Variants in CTNNA3 observed in about 807,000 individuals in gnomAD.
CTNNA3 encodes catenin alpha 3.
Under a neutral mutation model 95.7 loss-of-function variants are expected in CTNNA3, and 76 were observed. That is an observed-to-expected ratio of 0.79 (90% CI 0.66 to 0.96). The LOEUF (loss-of-function observed/expected upper bound fraction) is 0.96. Among genes scored for constraint, CTNNA3 ranks in the 40% least tolerant of loss-of-function variants. The pLI is 0.00. For synonymous variants in CTNNA3, 431 were observed against 374.4 expected (o/e 1.15, Z -1.74); for missense variants, 1,191 against 1,089.8 (o/e 1.09, Z -1.31).
chr10:66,804,974 A>C (rs1003979778), intron 7 of CTNNA3, among the ~76,000 whole-genome samples: 9 of 152,126 alleles, frequency 5.9e-5, no homozygotes, highest in Admixed American at 2.0e-4. Flanking sequence ...AATATGCTTT[A>C]TGTTGAATAC....
chr10:65,944,020 T>A (rs1243901112), intron 17 of CTNNA3, among the ~76,000 whole-genome samples: 1 of 152,252 alleles, frequency 6.6e-6, no homozygotes, highest in Non-Finnish European at 1.5e-5. Context: ...TATGCATTTT[T>A]ATATGTAGGC....
intron 17 of CTNNA3, among the ~76,000 whole-genome samples, chr10:65,927,323 G>A (rs2077182713): frequency 6.6e-6 from 1 of 152,024 alleles, no homozygotes; most frequent in Admixed American, 6.6e-5. Flanking sequence ...TTATATTTGT[G>A]GATGCTTTGT....
intron 3 of CTNNA3, among the ~76,000 whole-genome samples, chr10:67,576,341 T>A (rs556004472): frequency 2.0e-5 from 3 of 152,232 alleles, no homozygotes; most frequent in South Asian, 2.1e-4. Context: ...CTGAAGTATC[T>A]GGGAATTTAT....
chr10:67,241,529 T>C (rs1307345997), intron 5 of CTNNA3, among the ~76,000 whole-genome samples: 1 of 152,218 alleles, frequency 6.6e-6, no homozygotes, highest in Admixed American at 6.5e-5. Flanking sequence ...TAAATATTTT[T>C]ATCCTTGCAA....
exon 1 of CTNNA3, among the ~76,000 whole-genome samples, chr10:67,763,553 C>A (rs182133546): frequency 3.3e-5 from 5 of 152,308 alleles, no homozygotes; most frequent in Admixed American, 6.5e-5. Context: ...CTAGAAACTT[C>A]AACTAGTAAA....
intron 1 of CTNNA3, among the ~76,000 whole-genome samples, chr10:67,662,725 G>A (rs1840223767): frequency 6.6e-6 from 1 of 152,162 alleles, no homozygotes; most frequent in African/African-American, 2.4e-5. Flanking sequence ...ACTGCAGAAG[G>A]GCACAAAGAA....
chr10:67,112,038 T>C (rs1858934982), intron 7 of CTNNA3, among the ~76,000 whole-genome samples: 1 of 152,136 alleles, frequency 6.6e-6, no homozygotes, highest in African/African-American at 2.4e-5. Flanking sequence ...AAATGAGGCA[T>C]GAAAAGCTAT....
chr10:67,373,582 C>G (rs149552284), intron 5 of CTNNA3, among the ~76,000 whole-genome samples: 3,142 of 152,102 alleles, frequency 0.021, 79 homozygotes, highest in Non-Finnish European at 0.025. Context: ...AGAAAGTTAA[C>G]AAAGATATCC....
chr10:67,624,149 G>A (rs1843943971), intron 2 of CTNNA3, among the ~76,000 whole-genome samples: 1 of 152,042 alleles, frequency 6.6e-6, no homozygotes, highest in Non-Finnish European at 1.5e-5. Flanking sequence ...CACCCCTGGG[G>A]ACCAGCAGAC....
intron 12 of CTNNA3, among the ~76,000 whole-genome samples, chr10:66,354,537 G>C (rs2092594393): frequency 6.6e-6 from 1 of 152,110 alleles, no homozygotes; most frequent in Admixed American, 6.5e-5. Context: ...TTTGAGGGTG[G>C]GTCATCTATT....
chr10:66,924,131 G>C (rs1199846787), intron 7 of CTNNA3, among the ~76,000 whole-genome samples: 1 of 152,148 alleles, frequency 6.6e-6, no homozygotes, highest in Non-Finnish European at 1.5e-5. Flanking sequence ...GAGAATCCTG[G>C]GGGAGGGATT....
intron 1 of CTNNA3, among the ~76,000 whole-genome samples, chr10:67,690,277 C>T (rs1176038659): frequency 1.3e-5 from 2 of 152,144 alleles, no homozygotes; most frequent in Admixed American, 6.5e-5. Flanking sequence ...CAGACCCTCA[C>T]GGTGAGTGTT....
chr10:67,557,140 C>T (rs1482535283), intron 3 of CTNNA3, among the ~76,000 whole-genome samples: 1 of 152,064 alleles, frequency 6.6e-6, no homozygotes, highest in East Asian at 1.9e-4. Context: ...AGAATGGATC[C>T]CAGGCTTCAA....
chr10:67,763,402 TG>T (rs1181509911), intron 1 of CTNNA3, among the ~76,000 whole-genome samples: 19 of 152,076 alleles, frequency 1.2e-4, no homozygotes, highest in Non-Finnish European at 2.5e-4. Context: ...TTTCGAGAAA[TG>T]GTATGGAAGG....
chr10:66,670,475 C>CTGGA (rs1846620812), intron 9 of CTNNA3, among the ~76,000 whole-genome samples: 1 of 152,124 alleles, frequency 6.6e-6, no homozygotes, highest in Non-Finnish European at 1.5e-5. Flanking sequence ...TTCCTTGGCT[C>CTGGA]AGCGTCCCCT....
chr10:66,802,687 T>C (rs1442160405), intron 7 of CTNNA3, among the ~76,000 whole-genome samples: 1 of 151,158 alleles, frequency 6.6e-6, no homozygotes, highest in African/African-American at 2.4e-5. Flanking sequence ...AAAATATTCA[T>C]AGCCATCTGA....
At chr10:67,608,022 C>T (rs543007975) in intron 2 of CTNNA3, among the ~76,000 whole-genome samples, 4 of 152,048 alleles carry the variant, frequency 2.6e-5, no homozygotes, top group Non-Finnish European at 2.9e-5. Context: ...ATAAAGTTGG[C>T]GGAGGGAATA....
intron 6 of CTNNA3, 130 bp downstream of exon 6, chr10:67,219,477 G>C: frequency 1.0e-6 from 1 of 971,330 alleles, no homozygotes; most frequent in Admixed American, 2.7e-5. Context: ...ACTCAAGAAG[G>C]TGATAGAGAC....
At position 66,185,975 on chromosome 10, in the gene CTNNA3, A is replaced by G. The variant is rs570195882; in HGVS notation, c.1885-82726T>C. On this transcript the variant is annotated intron_variant, in intron 13 of 17. Coordinates refer to ENST00000433211, the MANE Select transcript of CTNNA3 (RefSeq NM_013266.4). ...CACATACACATATATATACACGGAT[A>G]TGTACACACATACACACATATAAAA... Among the ~76,000 whole-genome samples, 4 of 152,066 alleles carry G rather than the reference A, an allele frequency of 2.6e-5. No individual in the cohort carries two copies. In the South Asian group the frequency reaches 8.3e-4, roughly 32 times the overall value.
Sources: gnomAD v4.1 joint callset for allele counts (sites outside exome capture counted in the v4.1 genomes callset) on GRCh38, gnomAD v4.1.1 for gene constraint, MANE v1.5 for transcripts, NCBI Gene and HGNC (gene_info 2026-07-23, HGNC 2026-07-21) for gene names.